The following CLSTN2 variants were observed in gnomAD, a reference collection of about 807,000 sequenced individuals.
CLSTN2 encodes calsyntenin 2, also known as calsyntenin-2.
Under a neutral mutation model 101.2 loss-of-function variants are expected in CLSTN2, and 48 were observed. The observed-to-expected ratio is 0.47, with a 90% CI of 0.38 to 0.60. The LOEUF (loss-of-function observed/expected upper bound fraction) is 0.60. Ranked by LOEUF, CLSTN2 falls within the 20% of genes least tolerant of loss-of-function variation. The pLI is 0.00. For synonymous variants in CLSTN2, 481 were observed against 463.6 expected, an observed-to-expected ratio of 1.04 and a Z score of -0.48; for missense variants, 1,160 against 1,238.2, an observed-to-expected ratio of 0.94 and a Z score of 0.95.
intron 2 of CLSTN2, among the ~76,000 whole-genome samples, chr3:140,336,989 G>C (rs2087449419): frequency 6.6e-6 from 1 of 152,128 alleles, no homozygotes; most frequent in African/African-American, 2.4e-5. Context: ...CTGAGCAGCT[G>C]TTTCCTCTCC....
At chr3:140,418,129 AT>A (rs904728624) in intron 4 of CLSTN2, among the ~76,000 whole-genome samples, 16 of 150,608 alleles carry the variant, frequency 1.1e-4, no homozygotes, top group East Asian at 2.0e-4. Flanking sequence ...AAGAAAGTTA[AT>A]TTTTTTTTTC....
chr3:140,071,063 C>T (rs1176725627), intron 1 of CLSTN2, among the ~76,000 whole-genome samples: 4 of 152,056 alleles, frequency 2.6e-5, no homozygotes, highest in Non-Finnish European at 5.9e-5. Flanking sequence ...TATAAATACA[C>T]ACTACTTACT....
At chr3:140,319,890 G>A (rs34210661) in intron 2 of CLSTN2, among the ~76,000 whole-genome samples, 14 of 152,344 alleles carry the variant, frequency 9.2e-5, no homozygotes, top group South Asian at 8.3e-4. Context: ...CCTCCCCTCA[G>A]AGAAAAGGCT....
At position 140,263,767 on chromosome 3, in the gene CLSTN2, AT is replaced by A. The variant is rs201405713; in HGVS notation, c.232+87695del. The stretch of plus-strand genomic sequence containing the variant: ...ATTGGGTCCTTATTAAAACAAAAAA[AT>A]ATTCATATTAATTACTTATTGGTAA... On this transcript the variant is annotated intron_variant, in intron 2 of 16. Coordinates refer to ENST00000458420, the MANE Select transcript of CLSTN2 (RefSeq NM_022131.3). 5.3e-3 allele frequency among the ~76,000 whole-genome samples: 803 copies of A among 152,308 alleles called. 12 individuals are homozygous for A. The highest frequency in any genetic ancestry group is 0.05 in the East Asian group (259 of 5,182).
At chr3:140,499,451 C>T (rs1354104915) in intron 8 of CLSTN2, among the ~76,000 whole-genome samples, 2 of 152,216 alleles carry the variant, frequency 1.3e-5, no homozygotes, top group Non-Finnish European at 2.9e-5. Flanking sequence ...CAGCCAAGGA[C>T]ATGGGAGGAT....
chr3:140,217,024 T>C (rs1216635854), intron 2 of CLSTN2, among the ~76,000 whole-genome samples: 1 of 152,156 alleles, frequency 6.6e-6, no homozygotes, highest in Admixed American at 6.5e-5. Flanking sequence ...TGAAGTAACT[T>C]AACCAAGATC....
intron 9 of CLSTN2, 144 bp downstream of exon 9, chr3:140,532,630 AAAT>A: frequency 1.8e-6 from 1 of 563,922 alleles, no homozygotes; most frequent in Non-Finnish European, 2.9e-6. Flanking sequence ...AGACATATAA[AAAT>A]AAGTATAAAT....
chr3:140,318,015 A>G (rs1217223205), intron 2 of CLSTN2, among the ~76,000 whole-genome samples: 1 of 152,180 alleles, frequency 6.6e-6, no homozygotes, highest in Non-Finnish European at 1.5e-5. Context: ...TTACCGCTGT[A>G]TGGGGTAGGA....
At chr3:140,392,363 A>G (rs1048226032) in intron 2 of CLSTN2, among the ~76,000 whole-genome samples, 1 of 152,014 alleles carries the variant, frequency 6.6e-6, no homozygotes, top group African/African-American at 2.4e-5. Flanking sequence ...AAGTCTTTCA[A>G]ATCCTGTGTA....
intron 1 of CLSTN2, among the ~76,000 whole-genome samples, chr3:140,093,587 G>C (rs909999835): frequency 6.6e-6 from 1 of 152,132 alleles, no homozygotes; most frequent in Non-Finnish European, 1.5e-5. Flanking sequence ...AGCTCTGCCT[G>C]AGCATTCACT....
chr3:140,026,626 C>A (rs1465319785), intron 1 of CLSTN2, among the ~76,000 whole-genome samples: 1 of 152,224 alleles, frequency 6.6e-6, no homozygotes, highest in Non-Finnish European at 1.5e-5. Flanking sequence ...TCCCGCCCCT[C>A]AGGGATCTTG....
chr3:140,248,516 A>T (rs538248765), intron 2 of CLSTN2, among the ~76,000 whole-genome samples: 33 of 152,274 alleles, frequency 2.2e-4, no homozygotes, highest in Admixed American at 8.5e-4. Flanking sequence ...CTTGTGTGAG[A>T]TTCACTCTGG....
At chr3:139,941,587 G>A (rs907811314) in intron 1 of CLSTN2, among the ~76,000 whole-genome samples, 6 of 152,126 alleles carry the variant, frequency 3.9e-5, no homozygotes, top group Admixed American at 1.3e-4. Flanking sequence ...CAGACCCCCC[G>A]AAGCCTTGCA....
intron 1 of CLSTN2, among the ~76,000 whole-genome samples, chr3:139,986,266 T>C (rs2107826047): frequency 6.6e-6 from 1 of 152,332 alleles, no homozygotes; most frequent in East Asian, 1.9e-4. Flanking sequence ...TAAAGACTTT[T>C]GCTGTGAGTC....
chr3:140,427,088 A>G (rs1185899907), intron 5 of CLSTN2, among the ~76,000 whole-genome samples: 1 of 150,028 alleles, frequency 6.7e-6, no homozygotes, highest in Non-Finnish European at 1.5e-5. Context: ...ATGCAGGAGA[A>G]TCACTTGAAC....
intron 1 of CLSTN2, among the ~76,000 whole-genome samples, chr3:140,039,704 G>C (rs570895681): frequency 2.6e-5 from 4 of 152,124 alleles, no homozygotes; most frequent in Non-Finnish European, 5.9e-5. Context: ...CAACTCGAAG[G>C]CTAGGATTCT....
chr3:139,991,529 C>T (rs1444485076), intron 1 of CLSTN2, among the ~76,000 whole-genome samples: 2 of 152,214 alleles, frequency 1.3e-5, no homozygotes, highest in East Asian at 3.9e-4. Flanking sequence ...TTTTCTTTGT[C>T]CCAAGAAGAC....
At position 140,517,030 on chromosome 3, in the gene CLSTN2, C is replaced by T. The variant is rs76195497; in HGVS notation, c.1345-15294C>T. ...GACTTAGCTCATTTTTTAAAAAATTCTTTCTTCTTTGACTTTGTTGCAGTG... is the reference window on the plus strand; with the variant it reads ...GACTTAGCTCATTTTTTAAAAAATTTTTTCTTCTTTGACTTTGTTGCAGTG... On this transcript the variant is annotated intron_variant, in intron 8 of 16. Transcript: ENST00000458420. Among the ~76,000 whole-genome samples the T allele has an allele frequency of 3.1e-3, 479 of 152,164 alleles. 2 individuals are homozygous for T. The highest frequency in any genetic ancestry group is 5.8e-3 in the Non-Finnish European group (397 of 67,974).
intron 9 of CLSTN2, among the ~76,000 whole-genome samples, chr3:140,533,710 C>CAAAAAAAA (rs71627883): frequency 1.7e-5 from 1 of 58,884 alleles, no homozygotes. Context: ...GACTCCATCT[C>CAAAAAAAA]AAAAAAAAAA....
Sources: allele counts gnomAD v4.1 joint callset (sites outside exome capture counted in the v4.1 genomes callset), GRCh38; gene constraint gnomAD v4.1.1; transcripts MANE v1.5; gene names NCBI Gene and HGNC (gene_info 2026-07-23, HGNC 2026-07-21).